The following CTNNA2 variants were observed in gnomAD, a reference collection of about 807,000 sequenced individuals.
CTNNA2 encodes catenin alpha 2, also known as catenin alpha-2.
In CTNNA2, 42 loss-of-function variants were observed where a neutral mutation model predicts 101.0. The observed-to-expected ratio is 0.42, with a 90% confidence interval of 0.32 to 0.54. The LOEUF is 0.54. CTNNA2 is among the 20% of genes least tolerant of loss of function. The probability of loss-of-function intolerance (pLI) is 0.14; values close to 1 mark genes in which losing one functional copy is unlikely to be tolerated. For missense variants in CTNNA2, 871 were observed against 1,223.1 expected (o/e 0.71, Z 4.29); for synonymous variants, 450 against 456.4 (o/e 0.99, Z 0.18).
chr2:80,173,544 AAT>A (rs921610983), intron 7 of CTNNA2, among the ~76,000 whole-genome samples: 1 of 152,212 alleles, frequency 6.6e-6, no homozygotes, highest in Non-Finnish European at 1.5e-5. Context: ...GGAAGGGACA[AAT>A]TTTAAATGAA....
At chr2:80,468,308 A>C (rs372109468) in intron 9 of CTNNA2, among the ~76,000 whole-genome samples, 12 of 152,358 alleles carry the variant, frequency 7.9e-5, no homozygotes, top group African/African-American at 2.6e-4. Flanking sequence ...GCCATGTTTA[A>C]TACAGTATTA....
At chr2:79,755,647 A>G (rs1290892695) in intron 3 of CTNNA2, among the ~76,000 whole-genome samples, 1 of 152,332 alleles carries the variant, frequency 6.6e-6, no homozygotes. Context: ...CAGATTCAGT[A>G]TGTCTGGGGT....
chr2:79,700,684 T>C (rs756194709), intron 2 of CTNNA2, among the ~76,000 whole-genome samples: 5 of 152,192 alleles, frequency 3.3e-5, no homozygotes, highest in Non-Finnish European at 7.3e-5. Context: ...GTCACGGCTC[T>C]TGTTTATTAA....
chr2:80,622,755 G>A (rs572158727), intron 18 of CTNNA2, among the ~76,000 whole-genome samples: 41 of 151,672 alleles, frequency 2.7e-4, no homozygotes, highest in African/African-American at 9.4e-4. Flanking sequence ...CTTGCCATTC[G>A]AGTCTCTTCC....
At chr2:79,809,868 G>A (rs867548825) in intron 3 of CTNNA2, among the ~76,000 whole-genome samples, 16 of 152,190 alleles carry the variant, frequency 1.1e-4, no homozygotes, top group Non-Finnish European at 8.8e-5. Context: ...CCATGCCTAC[G>A]TCCTGAATGG....
At chr2:80,150,954 T>G (rs1484619224) in intron 7 of CTNNA2, among the ~76,000 whole-genome samples, 1 of 152,202 alleles carries the variant, frequency 6.6e-6, no homozygotes, top group East Asian at 1.9e-4. Context: ...CATCACTTTC[T>G]CCTCAGGTGA....
At chr2:79,473,795 G>A (rs945265271) in intron 4 of CTNNA2, among the ~76,000 whole-genome samples, 3 of 152,052 alleles carry the variant, frequency 2.0e-5, no homozygotes, top group African/African-American at 7.2e-5. Flanking sequence ...CAAAAACTTG[G>A]ATCTACTGAG....
rs879283834 is a variant in CTNNA2 at position 79,731,851 on chromosome 2, AC to A, written c.103-12534del. On this transcript the variant is annotated intron_variant, in intron 2 of 18. Transcript: ENST00000402739. ...AACTTTATTTTTGTTTTTTTTTTTT[AC>A]CATCAAATGCAGTTTGTCTCTTTAA... Among the ~76,000 whole-genome samples, 826 of 145,560 alleles carry A rather than the reference AC, an allele frequency of 5.7e-3. 32 individuals carry two copies. The highest frequency in any genetic ancestry group is 0.05 in the Admixed American group (732 of 14,572).
intron 2 of CTNNA2, among the ~76,000 whole-genome samples, chr2:79,311,598 A>G (rs1036090142): frequency 2.0e-5 from 3 of 152,042 alleles, no homozygotes; most frequent in Non-Finnish European, 4.4e-5. Context: ...GCAACTTCCC[A>G]CATCCCTAAT....
At chr2:79,324,412 T>C (rs1189411883) in intron 3 of CTNNA2, among the ~76,000 whole-genome samples, 1 of 152,122 alleles carries the variant, frequency 6.6e-6, no homozygotes, top group Non-Finnish European at 1.5e-5. Context: ...ATAGTGGCCC[T>C]GGAGTGGGAG....
At chr2:79,701,501 C>G (rs1262866276) in intron 2 of CTNNA2, among the ~76,000 whole-genome samples, 1 of 152,182 alleles carries the variant, frequency 6.6e-6, no homozygotes, top group African/African-American at 2.4e-5. Flanking sequence ...CACCAACTTA[C>G]TGTCTAGACA....
At chr2:79,412,751 T>C (rs1293317775) in intron 4 of CTNNA2, among the ~76,000 whole-genome samples, 2 of 151,746 alleles carry the variant, frequency 1.3e-5, no homozygotes, top group African/African-American at 4.8e-5. Flanking sequence ...AAGCAGTGTG[T>C]AGAGGGAAAT....
At position 79,880,490 on chromosome 2, in the gene CTNNA2, T is replaced by G. The variant is rs1683346485; in HGVS notation, c.852+6148T>G. ...TAGGCTATTAATTACTGCCTCAAAT[T>G]CAGAACTTGTTATTGGTCTATTCCA... On this transcript the variant is annotated intron_variant, in intron 6 of 18. Coordinates refer to ENST00000402739, the MANE Select transcript of CTNNA2 (RefSeq NM_001282597.3). 2.0e-5 allele frequency among the ~76,000 whole-genome samples: 3 copies of G among 152,184 alleles called. No individual in the cohort carries two copies. The South Asian group carries it at 6.2e-4, about 31-fold the overall frequency.
chr2:80,527,699 C>G (rs1690162295), intron 9 of CTNNA2, among the ~76,000 whole-genome samples: 1 of 152,076 alleles, frequency 6.6e-6, no homozygotes, highest in South Asian at 2.1e-4. Flanking sequence ...GAGGCCTCTC[C>G]CTGGTTGGCC....
At chr2:80,304,613 G>C (rs1246121331) in intron 7 of CTNNA2, 1 of 152,444 alleles carries the variant, frequency 6.6e-6, no homozygotes, top group African/African-American at 2.4e-5. Context: ...CATGCTTTGC[G>C]GGCGGCGGGC....
chr2:80,174,371 G>C (rs4852559), intron 7 of CTNNA2, among the ~76,000 whole-genome samples: 35 of 151,958 alleles, frequency 2.3e-4, no homozygotes, highest in African/African-American at 6.8e-4. Context: ...TATGATACCC[G>C]CAGCACAGCA....
intron 3 of CTNNA2, among the ~76,000 whole-genome samples, chr2:79,777,772 C>T (rs1674091680): frequency 2.0e-5 from 3 of 152,078 alleles, no homozygotes; most frequent in African/African-American, 4.8e-5. Context: ...CAATTTCTAA[C>T]CTATACTATT....
At chr2:80,509,728 G>A (rs1300218750) in intron 9 of CTNNA2, among the ~76,000 whole-genome samples, 1 of 152,270 alleles carries the variant, frequency 6.6e-6, no homozygotes, top group Non-Finnish European at 1.5e-5. Context: ...ATCAGTCCTA[G>A]CTAGCTTATT....
intron 3 of CTNNA2, among the ~76,000 whole-genome samples, chr2:79,822,600 C>T (rs1678096916): frequency 6.6e-6 from 1 of 152,056 alleles, no homozygotes; most frequent in Admixed American, 6.6e-5. Context: ...TCCGGAATAT[C>T]CCTCAAATCA....
Sources: gnomAD v4.1 joint callset for allele counts (sites outside exome capture counted in the v4.1 genomes callset) on GRCh38, gnomAD v4.1.1 for gene constraint, MANE v1.5 for transcripts, NCBI Gene and HGNC (gene_info 2026-07-23, HGNC 2026-07-21) for gene names.